KALRN: variants seen among roughly 807,000 people sequenced by gnomAD.
The protein encoded by KALRN is kalirin RhoGEF kinase.
Under a neutral mutation model 353.7 loss-of-function variants are expected in KALRN, and 70 were observed. That is an observed-to-expected ratio of 0.20 (90% CI 0.16 to 0.24). The LOEUF is 0.24. KALRN is among the 10% of genes least tolerant of loss of function. The pLI is 1.00. For missense variants in KALRN, 2,791 were observed against 3,756.7 expected (o/e 0.74, Z 6.72); for synonymous variants, 1,391 against 1,434.8 (o/e 0.97, Z 0.69).
intron 1 of KALRN, among the ~76,000 whole-genome samples, chr3:124,058,654 C>G (rs1458387506): frequency 6.6e-6 from 1 of 152,166 alleles, no homozygotes; most frequent in Non-Finnish European, 1.5e-5. Context: ...TCAGCCTTGA[C>G]CTGCAATTGG....
intron 43 of KALRN, 27 bp downstream of exon 43, chr3:124,659,484 G>A: frequency 4.7e-6 from 7 of 1,477,282 alleles, no homozygotes; most frequent in Non-Finnish European, 6.6e-6. Flanking sequence ...CTGGGTGAGG[G>A]CTGGAGAAGG....
At chr3:124,368,701 C>T (rs1406868441) in intron 10 of KALRN, among the ~76,000 whole-genome samples, 3 of 147,836 alleles carry the variant, frequency 2.0e-5, no homozygotes, top group Admixed American at 6.7e-5. Flanking sequence ...TTTGGGAAGC[C>T]AAGGCAGGCG....
chr3:124,212,439 A>C (rs2076979353), intron 1 of KALRN, among the ~76,000 whole-genome samples: 1 of 152,178 alleles, frequency 6.6e-6, no homozygotes, highest in African/African-American at 2.4e-5. Flanking sequence ...GAAATTAAAA[A>C]TTACTCAGAA....
At chr3:124,209,169 G>T (rs987446884) in intron 1 of KALRN, among the ~76,000 whole-genome samples, 1 of 151,926 alleles carries the variant, frequency 6.6e-6, no homozygotes, top group African/African-American at 2.4e-5. Context: ...ACAAGGAACT[G>T]AGAAATTAAG....
intron 38 of KALRN, among the ~76,000 whole-genome samples, chr3:124,654,513 T>C (rs1187383527): frequency 6.6e-6 from 1 of 152,226 alleles, no homozygotes; most frequent in Non-Finnish European, 1.5e-5. Context: ...CAGGCAAAAC[T>C]CATTCCAATC....
At chr3:124,527,858 T>C (rs1405928427) in intron 33 of KALRN, among the ~76,000 whole-genome samples, 2 of 152,184 alleles carry the variant, frequency 1.3e-5, no homozygotes, top group African/African-American at 4.8e-5. Context: ...TTCAAAGTGA[T>C]GATGACCTCA....
At chr3:124,329,631 A>G (rs2080299553) in intron 7 of KALRN, among the ~76,000 whole-genome samples, 1 of 152,150 alleles carries the variant, frequency 6.6e-6, no homozygotes, top group African/African-American at 2.4e-5. Context: ...CTACAGTTTC[A>G]TAATAGTCAA....
At chr3:124,362,401 A>G (rs901847745) in intron 10 of KALRN, among the ~76,000 whole-genome samples, 2 of 152,238 alleles carry the variant, frequency 1.3e-5, no homozygotes, top group Non-Finnish European at 2.9e-5. Context: ...CAGGTTTGAG[A>G]CAGAGGGAGC....
intron 1 of KALRN, among the ~76,000 whole-genome samples, chr3:124,067,522 C>CA (rs911593565): frequency 3.2e-4 from 48 of 151,056 alleles, no homozygotes; most frequent in Middle Eastern, 3.4e-3. Context: ...CCCCAACAAA[C>CA]AAAAAAAAAC....
At chr3:124,385,281 A>G (rs2088067546) in intron 11 of KALRN, among the ~76,000 whole-genome samples, 1 of 152,150 alleles carries the variant, frequency 6.6e-6, no homozygotes, top group Non-Finnish European at 1.5e-5. Flanking sequence ...TTTTCGGGGC[A>G]TCTGCTAGAG....
At chr3:124,270,843 T>G (rs1195413401) in intron 5 of KALRN, among the ~76,000 whole-genome samples, 1 of 149,976 alleles carries the variant, frequency 6.7e-6, no homozygotes, top group Non-Finnish European at 1.5e-5. Flanking sequence ...TTTTTTTTTT[T>G]TTTTGAGACG....
At chr3:124,518,573 T>C (rs1221457657) in intron 33 of KALRN, 2 of 1,602,774 alleles carry the variant, frequency 1.2e-6, no homozygotes, top group African/African-American at 1.3e-5. Context: ...CTGGCAGGGC[T>C]GGTGTGGGGT....
chr3:124,075,729 C>T (rs1442693344), intron 1 of KALRN, among the ~76,000 whole-genome samples: 3 of 152,316 alleles, frequency 2.0e-5, no homozygotes, highest in Admixed American at 6.5e-5. Context: ...TTCCTTTTGA[C>T]GTCCCCTTAA....
At chr3:124,050,882 T>C (rs1333693601) in intron 1 of KALRN, among the ~76,000 whole-genome samples, 3 of 152,208 alleles carry the variant, frequency 2.0e-5, no homozygotes, top group Non-Finnish European at 4.4e-5. Context: ...GCTTTCTCTT[T>C]GCCTGCTGCT....
chr3:124,709,277 TTTTATTTA>T (rs1002630515), intron 57 of KALRN, among the ~76,000 whole-genome samples: 4 of 152,034 alleles, frequency 2.6e-5, no homozygotes, highest in Non-Finnish European at 5.9e-5. Context: ...AAAATTTTAT[TTTTATTTA>T]TTTATTTATT....
At chr3:124,206,075 A>T (rs1427588616) in intron 1 of KALRN, among the ~76,000 whole-genome samples, 2 of 152,226 alleles carry the variant, frequency 1.3e-5, no homozygotes, top group African/African-American at 4.8e-5. Flanking sequence ...CCCTGATATT[A>T]ATAAGAGAGT....
chr3:124,593,447 G>A (rs1474698358), intron 34 of KALRN, among the ~76,000 whole-genome samples: 2 of 152,292 alleles, frequency 1.3e-5, no homozygotes, highest in Admixed American at 1.3e-4. Context: ...GTTTTAATAA[G>A]CCCTCCAGGT....
rs538018872 is a variant in KALRN at position 124,596,814 on chromosome 3, G to A, written c.5182+33725G>A. Among the ~76,000 whole-genome samples, 21 of 152,284 alleles carry A rather than the reference G, an allele frequency of 1.4e-4. No homozygotes were observed. The East Asian group carries it at 3.1e-3, about 22-fold the overall frequency. On this transcript the variant is annotated intron_variant, in intron 34 of 59. Transcript: ENST00000682506. ...TGTAATCCCAACACTTTGGGAGGCC[G>A]AGGTGGGTAGATCAGTTGAGGCCAG... is the stretch of plus-strand genomic sequence containing the variant.
intron 37 of KALRN, among the ~76,000 whole-genome samples, chr3:124,648,635 G>T (rs186497335): frequency 3.9e-5 from 6 of 152,348 alleles, no homozygotes; most frequent in African/African-American, 1.4e-4. Context: ...ACCAAGGCTT[G>T]TTTCCCAGGC....
Sources: gnomAD v4.1 joint callset for allele counts (sites outside exome capture counted in the v4.1 genomes callset) on GRCh38, gnomAD v4.1.1 for gene constraint, MANE v1.5 for transcripts, NCBI Gene and HGNC (gene_info 2026-07-23, HGNC 2026-07-21) for gene names.